Variants in TOX observed in about 807,000 individuals in gnomAD.
TOX encodes the protein thymocyte selection associated high mobility group box.
A neutral mutation model predicts 53.7 loss-of-function variants in TOX; 11 were observed. The ratio of observed to expected loss-of-function variants is 0.20; its 90% CI spans 0.13 to 0.34. The LOEUF (loss-of-function observed/expected upper bound fraction) is 0.34, where lower values mean the gene tolerates loss of function less well. TOX is among the 10% of genes least tolerant of loss of function. TOX has a pLI of 1.00. For synonymous variants in TOX, 225 were observed against 245.3 expected, an observed-to-expected ratio of 0.92 and a Z score of 0.77; for missense variants, 570 against 664.6, an observed-to-expected ratio of 0.86 and a Z score of 1.56.
chr8:59,034,943 T>C (rs924015214), intron 1 of TOX, among the ~76,000 whole-genome samples: 4 of 151,950 alleles, frequency 2.6e-5, no homozygotes, highest in African/African-American at 9.7e-5. Flanking sequence ...GCTCAAAGTC[T>C]CAAGGTCAGG....
Position 58,851,691 on chromosome 8 carries a change from G to A in TOX, c.526C>T (p.His176Tyr). ...DIRQQPGMMP[H>Y]GQLTTINQSQ... Reference sequence around the variant, plus strand: ...TGGTTAATGGTAGTCAGCTGGCCATGTGGCATCATTCCTGGCTGCTGCCTG... The same window carrying A: ...TGGTTAATGGTAGTCAGCTGGCCATATGGCATCATTCCTGGCTGCTGCCTG... Residue 176 changes from histidine to tyrosine, a missense_variant, in exon 4 of 9, where the codon CAT (histidine) becomes TAT (tyrosine). By Grantham distance (83) the His-to-Tyr change is moderately conservative (BLOSUM62 2). Coordinates refer to ENST00000361421, the MANE Select transcript of TOX (RefSeq NM_014729.3). This position sits in a 1 kb window ranked among gnomAD's most constrained non-coding sequence, Gnocchi z 4.4. The A allele has an allele frequency of 6.2e-7, 1 of 1,613,654 alleles. No homozygotes were observed. The highest frequency in any genetic ancestry group is 8.5e-7 in the Non-Finnish European group (1 of 1,179,812).
At chr8:58,835,300 T>C (rs755135670) in intron 5 of TOX, among the ~76,000 whole-genome samples, 66 of 152,116 alleles carry the variant, frequency 4.3e-4, no homozygotes, top group Non-Finnish European at 6.6e-4. Context: ...AGAAAAATAT[T>C]TGCCATCATA....
At chr8:58,949,373 C>T (rs141946029) in intron 2 of TOX, among the ~76,000 whole-genome samples, 21 of 152,230 alleles carry the variant, frequency 1.4e-4, no homozygotes, top group Admixed American at 1.0e-3. Flanking sequence ...TAGGATGTTT[C>T]GGATATTGCT....
intron 3 of TOX, among the ~76,000 whole-genome samples, chr8:58,903,073 C>A (rs544620841): frequency 1.3e-5 from 2 of 152,284 alleles, no homozygotes; most frequent in Non-Finnish European, 2.9e-5. Context: ...TCGAATGGAG[C>A]ATAACTTTTT....
intron 5 of TOX, among the ~76,000 whole-genome samples, chr8:58,834,180 GC>G (rs1487390307): frequency 6.6e-6 from 1 of 151,904 alleles, no homozygotes; most frequent in Non-Finnish European, 1.5e-5. Context: ...ATTTTCTGAG[GC>G]CCCCAATAAG....
intron 1 of TOX, among the ~76,000 whole-genome samples, chr8:58,975,872 G>C (rs1813088626): frequency 1.3e-5 from 2 of 152,122 alleles, no homozygotes; most frequent in African/African-American, 4.8e-5. Context: ...AAGAGATCGA[G>C]ACCATCCTGG....
At chr8:58,979,418 T>C (rs1436028168) in intron 1 of TOX, among the ~76,000 whole-genome samples, 1 of 152,232 alleles carries the variant, frequency 6.6e-6, no homozygotes, top group Non-Finnish European at 1.5e-5. Flanking sequence ...TGTGGATGGC[T>C]GTCCGGCCTT....
rs77002996 is a variant in TOX, at chr8:58,845,202, G to C, written c.693+6322C>G. Among the ~76,000 whole-genome samples, 191 of 152,260 alleles carry C rather than the reference G, an allele frequency of 1.3e-3. 2 individuals carry two copies. The East Asian group carries it at 0.033, about 26-fold the overall frequency. ...AGCCTTTAATGGAGCTGGGAGAGCT[G>C]TTTAATGCACACTATCTTGCAGTAA... On this transcript the variant is annotated intron_variant, in intron 4 of 8. Coordinates refer to ENST00000361421, the MANE Select transcript of TOX (RefSeq NM_014729.3).
intron 3 of TOX, among the ~76,000 whole-genome samples, chr8:58,907,896 A>C (rs1811844972): frequency 6.6e-6 from 1 of 152,228 alleles, no homozygotes; most frequent in South Asian, 2.1e-4. Flanking sequence ...TTTGTGCTAG[A>C]TATCTTCAAA....
chr8:58,998,632 T>C (rs2129417974), intron 1 of TOX, among the ~76,000 whole-genome samples: 1 of 141,248 alleles, frequency 7.1e-6, no homozygotes, highest in African/African-American at 2.5e-5. Context: ...TAATATATTT[T>C]ATATATATAA....
chr8:59,025,440 C>T (rs1372521447), intron 1 of TOX, among the ~76,000 whole-genome samples: 1 of 150,180 alleles, frequency 6.7e-6, no homozygotes, highest in Non-Finnish European at 1.5e-5. Flanking sequence ...ATTATCCAAT[C>T]GGGAAGGTAG....
intron 3 of TOX, among the ~76,000 whole-genome samples, chr8:58,912,965 T>C (rs1468972081): frequency 6.6e-6 from 1 of 152,222 alleles, no homozygotes; most frequent in Non-Finnish European, 1.5e-5. Flanking sequence ...CTCCTTTGAT[T>C]GATGACAAAT....
intron 5 of TOX, 146 bp downstream of exon 5, chr8:58,837,935 G>C: frequency 1.5e-6 from 1 of 653,066 alleles, no homozygotes; most frequent in South Asian, 2.0e-5. Flanking sequence ...TTATGTGAAC[G>C]TCTCAGAAAG....
In TOX at chr8:58,957,115, AC is replaced by A. The variant is rs548808491; in HGVS notation, c.168+2827del. ...TTCAGTAGCCCACTCACTTTCTCCC[AC>A]AAACTCTTAACGGGACAAAGTTCAG... On this transcript the variant is annotated intron_variant, in intron 2 of 8. Transcript: ENST00000361421. 1.9e-4 allele frequency among the ~76,000 whole-genome samples: 29 copies of A among 152,310 alleles called. No individual in the cohort carries two copies. In the South Asian group the frequency reaches 5.6e-3, roughly 29 times the overall value.
chr8:58,958,522 T>G (rs183927674), intron 2 of TOX, among the ~76,000 whole-genome samples: 248 of 152,350 alleles, frequency 1.6e-3, no homozygotes, highest in African/African-American at 5.4e-3. Context: ...ACTAAACTTG[T>G]CAGTACAGTT....
At chr8:59,066,676 T>G (rs1804099469) in intron 1 of TOX, among the ~76,000 whole-genome samples, 1 of 152,190 alleles carries the variant, frequency 6.6e-6, no homozygotes, top group African/African-American at 2.4e-5. Context: ...TCTATGACTT[T>G]GTCTGCCCTG....
chr8:58,848,645 G>A (rs1810759117), intron 4 of TOX, among the ~76,000 whole-genome samples: 1 of 152,092 alleles, frequency 6.6e-6, no homozygotes. Context: ...CGGGATTACA[G>A]GCTTAGAACC....
chr8:58,855,652 A>G (rs902286942), intron 3 of TOX, among the ~76,000 whole-genome samples: 2 of 152,192 alleles, frequency 1.3e-5, no homozygotes, highest in Non-Finnish European at 2.9e-5. Context: ...AGAGTGGTAC[A>G]AAATTAATCT....
At chr8:58,970,764 G>A (rs762725870) in intron 1 of TOX, among the ~76,000 whole-genome samples, 1 of 152,172 alleles carries the variant, frequency 6.6e-6, no homozygotes, top group Non-Finnish European at 1.5e-5. Flanking sequence ...ATTTTATTTA[G>A]TCAATGACAT....
Sources: allele counts gnomAD v4.1 joint callset (sites outside exome capture counted in the v4.1 genomes callset), GRCh38; gene constraint gnomAD v4.1.1; non-coding constraint Gnocchi (gnomAD v3.1); transcripts MANE v1.5; gene names NCBI Gene and HGNC (gene_info 2026-07-23, HGNC 2026-07-21).